Variants in LARP1B observed in about 807,000 individuals in gnomAD.
The protein encoded by LARP1B is La ribonucleoprotein 1B, also known as la-related protein 1B.
LARP1B carries 76 observed loss-of-function variants against 114.2 expected under a neutral mutation model. That is an observed-to-expected ratio of 0.67 (90% CI 0.55 to 0.81). The LOEUF (loss-of-function observed/expected upper bound fraction) is 0.81. LARP1B is among the 30% of genes least tolerant of loss of function. The pLI is 0.00. For missense variants in LARP1B, 1,014 were observed against 1,075.8 expected (o/e 0.94, Z 0.80); for synonymous variants, 345 against 348.0 (o/e 0.99, Z 0.10).
chr4:128,114,282 T>A (rs532483558), intron 9 of LARP1B, among the ~76,000 whole-genome samples: 13 of 152,222 alleles, frequency 8.5e-5, no homozygotes, highest in Non-Finnish European at 1.6e-4. Flanking sequence ...TTCCTAATAG[T>A]TGTACTGTCA....
At chr4:128,107,435 C>T in intron 9 of LARP1B, 122 bp downstream of exon 9, 1 of 1,506,748 alleles carries the variant, frequency 6.6e-7, no homozygotes, top group Non-Finnish European at 8.9e-7. Flanking sequence ...AACTGAAAGA[C>T]TTTTGAGTCC....
intron 8 of LARP1B, among the ~76,000 whole-genome samples, chr4:128,099,290 C>CTTTTTTTTTTTTT (rs368079786): frequency 7.3e-6 from 1 of 137,248 alleles, no homozygotes; most frequent in Non-Finnish European, 1.6e-5. Context: ...TTTTTTCTTT[C>CTTTTTTTTTTTTT]TTTTTTTTTT....
At chr4:128,137,977 A>C (rs771689869) in intron 11 of LARP1B, among the ~76,000 whole-genome samples, 19 of 151,916 alleles carry the variant, frequency 1.3e-4, no homozygotes, top group Non-Finnish European at 2.2e-4. Context: ...ATATTCTTAA[A>C]AGGCAGGTGA....
chr4:128,083,502 C>T (rs948674475), intron 5 of LARP1B, among the ~76,000 whole-genome samples: 2 of 150,802 alleles, frequency 1.3e-5, no homozygotes, highest in African/African-American at 4.9e-5. Flanking sequence ...AGGGGCGCCT[C>T]ACTTCCCAGT....
At chr4:128,112,273 ATATTT>A (rs1234232876) in intron 9 of LARP1B, among the ~76,000 whole-genome samples, 3 of 151,876 alleles carry the variant, frequency 2.0e-5, no homozygotes, top group Non-Finnish European at 2.9e-5. Context: ...TTTTAAATAG[ATATTT>A]TAATTTAACT....
chr4:128,068,961 C>T (rs1476218370), intron 1 of LARP1B: 3 of 600,962 alleles, frequency 5.0e-6, no homozygotes, highest in African/African-American at 1.9e-5. Context: ...TGTAAGCAGA[C>T]ATGATTGTCC....
intron 8 of LARP1B, 129 bp downstream of exon 8, chr4:128,098,459 G>C (rs1418150657): frequency 1.5e-6 from 1 of 666,968 alleles, no homozygotes; most frequent in Admixed American, 3.2e-5. Context: ...AGCATTCCAT[G>C]ATGTTTTTCT....
At chr4:128,094,400 CT>C (rs776529101) in intron 7 of LARP1B, among the ~76,000 whole-genome samples, 437 of 128,740 alleles carry the variant, frequency 3.4e-3, no homozygotes, top group East Asian at 0.012. Flanking sequence ...TTTTCTTTTT[CT>C]TTTTTTTTTT....
intron 9 of LARP1B, among the ~76,000 whole-genome samples, chr4:128,113,485 T>C (rs4834233): frequency 0.7 from 104,949 of 150,974 alleles, 36,952 homozygotes; most frequent in Middle Eastern, 0.83. Context: ...GAATTACAGG[T>C]GCTCACCACC....
rs1349658367 is a variant in LARP1B, at chr4:128,110,545, C to CGGGCGTAGT, written c.988+3237_988+3238insTAGTGGGCG. On this transcript the variant is annotated intron_variant, in intron 9 of 19. Transcript: ENST00000326639. ...ACAAAAAATTAGCCGGGCGTAGTGG[C>CGGGCGTAGT]GGGCGCCTGTAGTCCCAGCTACTTG... is the stretch of plus-strand genomic sequence containing the variant. 2.7e-5 allele frequency among the ~76,000 whole-genome samples: 4 copies of CGGGCGTAGT among 148,652 alleles called. No individual in the cohort carries two copies. The East Asian group carries it at 7.9e-4, about 29-fold the overall frequency.
intron 11 of LARP1B, among the ~76,000 whole-genome samples, chr4:128,128,684 C>G (rs915527744): frequency 6.6e-6 from 1 of 152,214 alleles, no homozygotes; most frequent in Non-Finnish European, 1.5e-5. Flanking sequence ...ACAGTTTCTT[C>G]TAGTAAGTGC....
At chr4:128,062,039 C>T in intron 1 of LARP1B, 2 of 985,256 alleles carry the variant, frequency 2.0e-6, no homozygotes, top group Non-Finnish European at 2.4e-6. Context: ...GCCGTTGCCG[C>T]CGTTGCTGCG....
chr4:128,066,705 T>C (rs1763047152), intron 1 of LARP1B, among the ~76,000 whole-genome samples: 1 of 151,916 alleles, frequency 6.6e-6, no homozygotes, highest in Non-Finnish European at 1.5e-5. Flanking sequence ...CTCGACTTCC[T>C]GACCTCAGGT....
At chr4:128,206,602 T>G in intron 18 of LARP1B, 65 bp downstream of exon 18, 1 of 1,535,756 alleles carries the variant, frequency 6.5e-7, no homozygotes, top group Non-Finnish European at 8.8e-7. Flanking sequence ...TGTCAGTAAA[T>G]AGGGAAGGAG....
At chr4:128,170,329 G>A (rs942692072) in intron 12 of LARP1B, among the ~76,000 whole-genome samples, 1 of 152,130 alleles carries the variant, frequency 6.6e-6, no homozygotes, top group Non-Finnish European at 1.5e-5. Flanking sequence ...TGAGTAGAAT[G>A]TTCCATATTG....
intron 12 of LARP1B, among the ~76,000 whole-genome samples, chr4:128,176,459 A>G (rs769925823): frequency 8.6e-5 from 13 of 151,520 alleles, no homozygotes; most frequent in Non-Finnish European, 1.9e-4. Context: ...ACGCCTGGCT[A>G]ATTTTTGCAT....
intron 11 of LARP1B, among the ~76,000 whole-genome samples, chr4:128,126,965 T>C (rs1789860078): frequency 6.6e-6 from 1 of 151,966 alleles, no homozygotes; most frequent in Admixed American, 6.6e-5. Context: ...TCTACAGAAC[T>C]GAGGAGAGGT....
At chr4:128,084,651 A>G (rs1225090894) in intron 5 of LARP1B, among the ~76,000 whole-genome samples, 6 of 151,924 alleles carry the variant, frequency 3.9e-5, no homozygotes, top group Non-Finnish European at 5.9e-5. Flanking sequence ...AGGGAGAGGG[A>G]GAGGGAGAGC....
chr4:128,122,286 G>A, intron 11 of LARP1B, 98 bp downstream of exon 11: 1 of 1,532,098 alleles, frequency 6.5e-7, no homozygotes, highest in Non-Finnish European at 8.8e-7. Flanking sequence ...TTTATGAAAT[G>A]TTGAATATAA....
Sources: allele counts gnomAD v4.1 joint callset (sites outside exome capture counted in the v4.1 genomes callset), GRCh38; gene constraint gnomAD v4.1.1; transcripts MANE v1.5; gene names NCBI Gene and HGNC (gene_info 2026-07-23, HGNC 2026-07-21).